Variants in KLF8 observed in about 807,000 individuals in gnomAD.
KLF8 encodes the protein KLF transcription factor 8.
A neutral mutation model predicts 18.2 loss-of-function variants in KLF8; 10 were observed. The ratio of observed to expected loss-of-function variants is 0.55; its 90% confidence interval spans 0.34 to 0.93. KLF8 has a LOEUF of 0.93. KLF8 is among the 40% of genes least tolerant of loss of function. The pLI is 0.02. For missense variants in KLF8, 264 were observed against 277.9 expected (o/e 0.95, Z 0.36); for synonymous variants, 109 against 97.3 (o/e 1.12, Z -0.71).
At chrX:56,158,024 T>C in the KLF8 span, among the ~76,000 whole-genome samples, 1 of 112,068 alleles carries the variant, frequency 8.9e-6, no homozygotes, top group Non-Finnish European at 1.9e-5. Flanking sequence ...CGGTTTTGGG[T>C]CTAACATTTA....
chrX:55,955,426 G>A, the KLF8 span, among the ~76,000 whole-genome samples: 2 of 110,771 alleles, frequency 1.8e-5, no homozygotes, highest in East Asian at 2.8e-4. Flanking sequence ...TTTACTGTAC[G>A]TGTGATGATA....
At chrX:56,071,916 G>A in the KLF8 span, among the ~76,000 whole-genome samples, 7 of 111,933 alleles carry the variant, frequency 6.3e-5, no homozygotes, top group Admixed American at 1.9e-4. Flanking sequence ...TAGAATACAG[G>A]ATTGGAAGTG....
rs1164350704 is a variant in KLF8, at chrX:56,290,974, T to A, written c.*6480T>A. Among the ~76,000 whole-genome samples the A allele has an allele frequency of 9.0e-6, 1 of 111,431 alleles. No individual in the cohort carries two copies. Among genetic ancestry groups the A allele is most frequent in the Non-Finnish European group, 1.9e-5 (1 of 53,070 alleles). ...AGTAGCTGTGTTGGACATTACTTTA[T>A]AACTATGCTGTATGCCATGCTGTTT... On this transcript the variant is annotated 3_prime_UTR_variant, in exon 6 of 6. Coordinates refer to ENST00000468660, the MANE Select transcript of KLF8 (RefSeq NM_007250.5).
chrX:56,155,186 T>G, the KLF8 span, among the ~76,000 whole-genome samples: 6 of 111,365 alleles, frequency 5.4e-5, no homozygotes, highest in African/African-American at 2.0e-4. Context: ...TTCACAATAG[T>G]AAAGACCTGG....
the KLF8 span, among the ~76,000 whole-genome samples, chrX:55,939,039 C>G: frequency 4.7e-4 from 53 of 112,077 alleles, no homozygotes; most frequent in Admixed American, 4.5e-3. Flanking sequence ...TAGACATCTA[C>G]AGAACTCTAC....
chrX:55,970,751 C>A, the KLF8 span, among the ~76,000 whole-genome samples: 5 of 111,447 alleles, frequency 4.5e-5, no homozygotes, highest in Non-Finnish European at 9.5e-5. Flanking sequence ...ATCAGTAGGA[C>A]TTCTATATGC....
chrX:55,950,260 C>T, the KLF8 span, among the ~76,000 whole-genome samples: 2 of 110,435 alleles, frequency 1.8e-5, no homozygotes, highest in Non-Finnish European at 3.8e-5. Context: ...TAATGTTTCA[C>T]CAAGAAGAAG....
the KLF8 span, among the ~76,000 whole-genome samples, chrX:56,102,667 G>A: frequency 9.0e-6 from 1 of 110,802 alleles, no homozygotes; most frequent in South Asian, 3.8e-4. Context: ...TTGTAGAAAT[G>A]TTTCACCTCT....
the KLF8 span, among the ~76,000 whole-genome samples, chrX:56,224,324 G>T: frequency 9.0e-6 from 1 of 111,277 alleles, no homozygotes; most frequent in Non-Finnish European, 1.9e-5. Flanking sequence ...TTTAAAAACA[G>T]TTCATCTTGT....
At chrX:56,256,874 T>C (rs1457004059) in intron 2 of KLF8, among the ~76,000 whole-genome samples, 6 of 111,233 alleles carry the variant, frequency 5.4e-5, no homozygotes, top group Non-Finnish European at 1.1e-4. Flanking sequence ...TGGCTAATTT[T>C]GTATTTTTAG....
chrX:55,946,474 C>T, the KLF8 span, among the ~76,000 whole-genome samples: 1 of 111,743 alleles, frequency 8.9e-6, no homozygotes, highest in African/African-American at 3.3e-5. Context: ...ACACCTTATA[C>T]AAAAATTAAT....
At chrX:55,991,235 C>T in the KLF8 span, among the ~76,000 whole-genome samples, 1 of 112,102 alleles carries the variant, frequency 8.9e-6, no homozygotes, top group Non-Finnish European at 1.9e-5. Flanking sequence ...TCTCTGCCAC[C>T]TTGCAGTTTG....
At chrX:56,087,667 G>C in the KLF8 span, among the ~76,000 whole-genome samples, 1 of 111,477 alleles carries the variant, frequency 9.0e-6, no homozygotes, top group African/African-American at 3.3e-5. Context: ...AGTATTCCAA[G>C]CAAAGCTGCC....
At chrX:56,135,802 C>A in the KLF8 span, among the ~76,000 whole-genome samples, 1 of 111,926 alleles carries the variant, frequency 8.9e-6, no homozygotes, top group Admixed American at 9.5e-5. Flanking sequence ...AAGCAGAAAT[C>A]AAGAAATTCT....
At chrX:56,013,950 G>A in the KLF8 span, among the ~76,000 whole-genome samples, 5 of 111,448 alleles carry the variant, frequency 4.5e-5, no homozygotes, top group Non-Finnish European at 7.5e-5. Context: ...AACTGAAACT[G>A]GACCCCTTTC....
the KLF8 span, among the ~76,000 whole-genome samples, chrX:56,082,509 CT>C: frequency 0.01 from 1,012 of 99,536 alleles, 11 homozygotes; most frequent in Middle Eastern, 0.016. Flanking sequence ...TGGATTTAGT[CT>C]TTTTTTTTTT....
At chrX:56,159,736 C>T in the KLF8 span, among the ~76,000 whole-genome samples, 80 of 102,930 alleles carry the variant, frequency 7.8e-4, no homozygotes, top group African/African-American at 2.7e-3. Context: ...TGGTGATATC[C>T]CCTTGATCAT....
chrX:56,121,738 T>C, the KLF8 span, among the ~76,000 whole-genome samples: 1 of 112,349 alleles, frequency 8.9e-6, no homozygotes, highest in Non-Finnish European at 1.9e-5. Context: ...AGTACCTATG[T>C]AAGTTTGATG....
chrX:55,926,441 T>C, the KLF8 span, among the ~76,000 whole-genome samples: 13 of 110,566 alleles, frequency 1.2e-4, no homozygotes, highest in African/African-American at 4.3e-4. Flanking sequence ...ATTGCAAAAA[T>C]GCTTTATTTA....
Sources: gnomAD v4.1 joint callset for allele counts (sites outside exome capture counted in the v4.1 genomes callset) on GRCh38, gnomAD v4.1.1 for gene constraint, MANE v1.5 for transcripts, NCBI Gene and HGNC (gene_info 2026-07-23, HGNC 2026-07-21) for gene names.